The following TMEM272 variants were observed in gnomAD, a reference collection of about 807,000 sequenced individuals.
TMEM272 encodes the protein long intergenic non-protein coding RNA 282.
A neutral mutation model predicts 3.7 loss-of-function variants in TMEM272; 8 were observed. The ratio of observed to expected loss-of-function variants is 2.17; its 90% CI spans 1.27 to 3.91. The LOEUF is 3.91. Among genes scored for constraint, TMEM272 ranks in the 30% most tolerant of loss-of-function variants. The probability of loss-of-function intolerance (pLI) is 0.00; values close to 1 mark genes in which losing one functional copy is unlikely to be tolerated. For missense variants in TMEM272, 166 were observed against 91.5 expected, an observed-to-expected ratio of 1.81 and a Z score of -3.32; for synonymous variants, 63 against 39.8, an observed-to-expected ratio of 1.58 and a Z score of -2.20.
the TMEM272 span, among the ~76,000 whole-genome samples, chr13:51,889,709 C>A: frequency 6.6e-6 from 1 of 151,934 alleles, no homozygotes; most frequent in African/African-American, 2.4e-5. Context: ...TGGTGCGATC[C>A]CGGCTCACCT....
the TMEM272 span, among the ~76,000 whole-genome samples, chr13:51,882,128 T>C: frequency 3.9e-5 from 6 of 152,252 alleles, no homozygotes. Flanking sequence ...CTTGTTGGGA[T>C]TGCATAAATT....
At chr13:51,890,133 G>A in the TMEM272 span, among the ~76,000 whole-genome samples, 1 of 152,154 alleles carries the variant, frequency 6.6e-6, no homozygotes, top group African/African-American at 2.4e-5. Flanking sequence ...TCATCTTTGA[G>A]CACTCTAAAT....
the TMEM272 span, among the ~76,000 whole-genome samples, chr13:51,870,261 G>C: frequency 6.6e-6 from 1 of 151,728 alleles, no homozygotes; most frequent in Non-Finnish European, 1.5e-5. Context: ...GGTTTTTTTT[G>C]TGTGTGTGAC....
chr13:51,841,182 G>T (rs1956260384), intron 1 of TMEM272, among the ~76,000 whole-genome samples: 1 of 152,232 alleles, frequency 6.6e-6, no homozygotes. Flanking sequence ...GGCCCGGAAG[G>T]TCGGTTCCTT....
chr13:51,817,232 A>C, intron 4 of TMEM272, 119 bp from the exon 5 acceptor site: 1 of 600,084 alleles, frequency 1.7e-6, no homozygotes, highest in Non-Finnish European at 3.0e-6. Context: ...GAGAGAGAGG[A>C]AGGTGTTATG....
At chr13:51,845,349 C>A (rs186096631), upstream of TMEM272, among the ~76,000 whole-genome samples, 3 of 152,214 alleles carry the variant, frequency 2.0e-5, no homozygotes, top group East Asian at 5.8e-4. Flanking sequence ...GGAATTCCCG[C>A]GGGAAACATT....
intron 2 of TMEM272, among the ~76,000 whole-genome samples, 154 bp downstream of exon 2, chr13:51,838,319 G>A (rs1353103572): frequency 1.3e-5 from 2 of 152,308 alleles, no homozygotes; most frequent in East Asian, 3.9e-4. Context: ...AGCCAACCGA[G>A]GGCCGGACAC....
At chr13:51,821,960 T>TC in intron 4 of TMEM272, 95 bp downstream of exon 4, 1 of 697,954 alleles carries the variant, frequency 1.4e-6, no homozygotes, top group East Asian at 2.7e-5. Context: ...TTGTTTTGTC[T>TC]CCCCTGTGAA....
At chr13:51,919,658 C>T in the TMEM272 span, among the ~76,000 whole-genome samples, 1 of 152,202 alleles carries the variant, frequency 6.6e-6, no homozygotes, top group Non-Finnish European at 1.5e-5. Flanking sequence ...AATACTTTCT[C>T]TTATGACACA....
the TMEM272 span, among the ~76,000 whole-genome samples, chr13:51,919,557 T>C: frequency 6.6e-6 from 1 of 152,120 alleles, no homozygotes; most frequent in Non-Finnish European, 1.5e-5. Flanking sequence ...CATGACTCTT[T>C]AAGTATCTGT....
chr13:51,846,778 A>G (rs570152328), upstream of TMEM272, among the ~76,000 whole-genome samples: 3 of 152,366 alleles, frequency 2.0e-5, no homozygotes, highest in African/African-American at 7.2e-5. Flanking sequence ...TAATGTATGT[A>G]TAATGTATGG....
intron 1 of TMEM272, among the ~76,000 whole-genome samples, chr13:51,841,448 A>G (rs1231915658): frequency 6.6e-6 from 1 of 152,208 alleles, no homozygotes; most frequent in Non-Finnish European, 1.5e-5. Flanking sequence ...TCAAATCCAC[A>G]GCAGCTTTGC....
intron 1 of TMEM272, among the ~76,000 whole-genome samples, chr13:51,844,068 TCTGC>T (rs1265254829): frequency 2.0e-5 from 3 of 152,172 alleles, no homozygotes; most frequent in Non-Finnish European, 4.4e-5. Context: ...ACAACACTTA[TCTGC>T]TCCAAAATGT....
At chr13:51,830,839 C>T (rs1446102422) in intron 2 of TMEM272, among the ~76,000 whole-genome samples, 1 of 152,182 alleles carries the variant, frequency 6.6e-6, no homozygotes, top group African/African-American at 2.4e-5. Flanking sequence ...CTGGCTTCAT[C>T]CAGTGAGTCC....
intron 2 of TMEM272, among the ~76,000 whole-genome samples, chr13:51,837,352 T>C (rs1254130038): frequency 6.6e-6 from 1 of 152,168 alleles, no homozygotes. Context: ...GGTGTCTCCT[T>C]TCCCTGCCGG....
the TMEM272 span, among the ~76,000 whole-genome samples, chr13:51,897,683 T>G: frequency 1.3e-5 from 2 of 151,552 alleles, no homozygotes; most frequent in African/African-American, 2.4e-5. Context: ...TCCCAGTACT[T>G]TGGGAGGCCG....
At chr13:51,840,779 T>C (rs550383852) in intron 1 of TMEM272, among the ~76,000 whole-genome samples, 4 of 152,344 alleles carry the variant, frequency 2.6e-5, no homozygotes, top group African/African-American at 7.2e-5. Context: ...GGCTCCATTT[T>C]CCCCCACAAT....
In TMEM272 at chr13:51,840,667, T is replaced by C. The variant is rs181914607; in HGVS notation, c.-23-2114A>G. Among the ~76,000 whole-genome samples the C allele has an allele frequency of 3.6e-3, 546 of 152,308 alleles. 3 individuals are homozygous for C. The highest frequency in any genetic ancestry group is 0.012 in the African/African-American group (511 of 41,576). ...CTGCCCACTGTTCTCCTGGAAGCAA[T>C]TGTGGGGGATGCGCATGAGTCTGTC... On this transcript the variant is annotated intron_variant, in intron 1 of 4. Transcript: ENST00000629372.
At chr13:51,848,644 T>G (rs1021549279), upstream of TMEM272, among the ~76,000 whole-genome samples, 1 of 152,186 alleles carries the variant, frequency 6.6e-6, no homozygotes, top group African/African-American at 2.4e-5. Flanking sequence ...TGCCTGAGTT[T>G]AATTACAAAG....
Sources: allele counts gnomAD v4.1 joint callset (sites outside exome capture counted in the v4.1 genomes callset), GRCh38; gene constraint gnomAD v4.1.1; transcripts MANE v1.5; gene names NCBI Gene and HGNC (gene_info 2026-07-23, HGNC 2026-07-21).